Variants in CMKLR2 observed in about 807,000 individuals in gnomAD.
CMKLR2 encodes the protein chemerin-like receptor 2.
CMKLR2 carries 18 observed loss-of-function variants against 23.0 expected under a neutral mutation model. The ratio of observed to expected loss-of-function variants is 0.78; its 90% CI spans 0.54 to 1.16. The LOEUF (loss-of-function observed/expected upper bound fraction) is 1.16, where lower values mean the gene tolerates loss of function less well. CMKLR2 is among the 50% of genes most tolerant of loss of function. The pLI is 0.00. For synonymous variants in CMKLR2, 158 were observed against 158.9 expected (o/e 0.99, Z 0.05); for missense variants, 401 against 412.7 (o/e 0.97, Z 0.25).
chr2:206,216,182 G>A (rs1218157912), upstream of CMKLR2, among the ~76,000 whole-genome samples: 2 of 152,036 alleles, frequency 1.3e-5, no homozygotes. Flanking sequence ...AGCTGGGTGC[G>A]GTGGCTCATG....
chr2:206,202,782 C>G (rs1037338389), intron 1 of CMKLR2, among the ~76,000 whole-genome samples: 1 of 151,994 alleles, frequency 6.6e-6, no homozygotes. Flanking sequence ...AAGAGGAGAA[C>G]TCTGCTCCTC....
At chr2:206,213,691 C>T (rs1005231617), upstream of CMKLR2, 5 of 152,136 alleles carry the variant, frequency 3.3e-5, no homozygotes, top group Admixed American at 1.3e-4. Flanking sequence ...TCTGGGTAGG[C>T]TTTTGCTTAT....
chr2:206,178,052 G>A (rs1029930686), intron 1 of CMKLR2, among the ~76,000 whole-genome samples: 2 of 152,172 alleles, frequency 1.3e-5, no homozygotes, highest in African/African-American at 4.8e-5. Flanking sequence ...GAGACAGGGA[G>A]ATTGCTTGAG....
rs535170488 is a variant in CMKLR2 at position 206,181,654 on chromosome 2, A to G, written c.-28-4379T>C. 2.3e-3 allele frequency among the ~76,000 whole-genome samples: 355 copies of G among 152,312 alleles called. 2 individuals are homozygous for G. The highest frequency in any genetic ancestry group is 3.4e-3 in the Middle Eastern group (1 of 294). ...AGTAAGCCAGTGAAAAGAAAATGTT[A>G]TTAGGAAATCATAAGGGGCTGAGAG... On this transcript the variant is annotated intron_variant, in intron 1 of 1. Coordinates refer to ENST00000621141, the MANE Select transcript of CMKLR2 (RefSeq NM_001389445.1).
chr2:206,195,351 A>C (rs2105819956), intron 1 of CMKLR2, among the ~76,000 whole-genome samples: 1 of 152,292 alleles, frequency 6.6e-6, no homozygotes, highest in Admixed American at 6.5e-5. Flanking sequence ...ATGTTGGCAT[A>C]ATAGTCAAGA....
intron 1 of CMKLR2, among the ~76,000 whole-genome samples, chr2:206,186,117 C>CTT (rs11317836): frequency 0.088 from 12,322 of 140,254 alleles, 684 homozygotes; most frequent in Admixed American, 0.18. Flanking sequence ...GTGGAATGGG[C>CTT]TTTTTTTTTT....
rs71034423 is a variant in CMKLR2, at chr2:206,207,728, C to CTTTTTTTTTTTTTTTTTT, written c.-29+5561_-29+5578dup. Reference sequence around the variant, plus strand: ...ATCTGGGTCTGTCTGACCTCAGGGCCTTTTTTTTTTTTTTTTTTTTTTTTT... The same window carrying CTTTTTTTTTTTTTTTTTT: ...ATCTGGGTCTGTCTGACCTCAGGGCCTTTTTTTTTTTTTTTTTTTTTTTTTTTTTTTTTTTTTTTTTTT... On this transcript the variant is annotated intron_variant, in intron 1 of 1. Coordinates refer to ENST00000621141, the MANE Select transcript of CMKLR2 (RefSeq NM_001389445.1). 3.1e-3 allele frequency among the ~76,000 whole-genome samples: 133 copies of CTTTTTTTTTTTTTTTTTT among 43,570 alleles called. 33 individuals are homozygous for CTTTTTTTTTTTTTTTTTT. Among genetic ancestry groups the CTTTTTTTTTTTTTTTTTT allele is most frequent in the South Asian group, 9.0e-3 (6 of 664 alleles). 28.6% of individuals were successfully genotyped at this position (43,570 alleles called of 152,430 possible).
chr2:206,214,790 A>AT (rs1249188136), upstream of CMKLR2, among the ~76,000 whole-genome samples: 28 of 149,970 alleles, frequency 1.9e-4, no homozygotes, highest in African/African-American at 5.1e-4. Context: ...CGCCCGGCTA[A>AT]TTTTTTTTTG....
intron 1 of CMKLR2, among the ~76,000 whole-genome samples, chr2:206,185,580 G>A (rs928052560): frequency 6.6e-6 from 1 of 152,174 alleles, no homozygotes; most frequent in Non-Finnish European, 1.5e-5. Flanking sequence ...TCGCAAAGGG[G>A]AAAAGCAATC....
intron 1 of CMKLR2, among the ~76,000 whole-genome samples, chr2:206,194,726 A>G (rs1264158846): frequency 1.4e-5 from 2 of 139,508 alleles, no homozygotes; most frequent in Non-Finnish European, 3.1e-5. Flanking sequence ...ATGAGCCACC[A>G]CACTGGGCCA....
At chr2:206,207,383 A>T (rs1487942504) in intron 1 of CMKLR2, among the ~76,000 whole-genome samples, 1 of 151,970 alleles carries the variant, frequency 6.6e-6, no homozygotes, top group Non-Finnish European at 1.5e-5. Flanking sequence ...TAGGTGATCC[A>T]CCTGCCTTGG....
In CMKLR2 at chr2:206,177,266, A is replaced by G; in HGVS notation, c.-19T>C. ...CTTCCATGACCTTGCTAAATGGAGAATGAAGAAATCTGTAGAAGCAAATTT... is the reference window on the plus strand; with the variant it reads ...CTTCCATGACCTTGCTAAATGGAGAGTGAAGAAATCTGTAGAAGCAAATTT... On this transcript the variant is annotated 5_prime_UTR_variant, in exon 2 of 2. Transcript: ENST00000621141. 2 of 1,464,358 alleles carry G rather than the reference A, an allele frequency of 1.4e-6. 1 individual carries two copies. The highest frequency in any genetic ancestry group is 2.6e-5 in the South Asian group (2 of 77,922). 90.7% of individuals were successfully genotyped at this position (1,464,358 alleles called of 1,614,324 possible). A position where few individuals can be genotyped will look rare whatever the true frequency, so the allele number is the denominator to read the frequency against.
upstream of CMKLR2, among the ~76,000 whole-genome samples, chr2:206,214,781 G>A (rs1278734230): frequency 2.6e-5 from 4 of 151,548 alleles, no homozygotes; most frequent in African/African-American, 7.3e-5. Context: ...CCGCCACCAC[G>A]CCCGGCTAAT....
At chr2:206,179,133 T>C (rs1446115370) in intron 1 of CMKLR2, among the ~76,000 whole-genome samples, 1 of 133,598 alleles carries the variant, frequency 7.5e-6, no homozygotes, top group Non-Finnish European at 1.6e-5. Context: ...TGGAGTGCAA[T>C]GGTGTGATCT....
At position 206,204,841 on chromosome 2, in the gene CMKLR2, T is replaced by C. The variant is rs1335184685; in HGVS notation, c.-29+8466A>G. ...TCCTGCTGTTACAGTAAAGCTACGC[T>C]GTGTTCATTCCATCCTTGACAAAGT... On this transcript the variant is annotated intron_variant, in intron 1 of 1. Coordinates refer to ENST00000621141, the MANE Select transcript of CMKLR2 (RefSeq NM_001389445.1). 7.9e-5 allele frequency among the ~76,000 whole-genome samples: 12 copies of C among 152,234 alleles called. 1 individual carries two copies. Among genetic ancestry groups the C allele is most frequent in the Admixed American group, 7.8e-4 (12 of 15,288 alleles).
At chr2:206,196,530 C>T (rs1471615386) in intron 1 of CMKLR2, among the ~76,000 whole-genome samples, 2 of 152,166 alleles carry the variant, frequency 1.3e-5, no homozygotes, top group Non-Finnish European at 2.9e-5. Context: ...AACCATTCTT[C>T]CCTGCAGAGG....
intron 1 of CMKLR2, among the ~76,000 whole-genome samples, chr2:206,209,355 A>G (rs1033338629): frequency 6.6e-6 from 1 of 150,830 alleles, no homozygotes; most frequent in Non-Finnish European, 1.5e-5. Flanking sequence ...AAAAAAAAGC[A>G]CTTTTTTGTT....
chr2:206,196,203 T>C (rs1281675360), intron 1 of CMKLR2, among the ~76,000 whole-genome samples: 1 of 151,808 alleles, frequency 6.6e-6, no homozygotes, highest in African/African-American at 2.4e-5. Flanking sequence ...AGTGAAACCC[T>C]ATCTCTACTA....
rs1378205155 is a variant in CMKLR2 at position 206,177,221 on chromosome 2, AAAT to A, written c.24_26del (p.Leu8del). 1.9e-6 allele frequency: 3 copies of A among 1,605,320 alleles called. No homozygotes were observed. Among genetic ancestry groups the A allele is most frequent in the African/African-American group, 2.7e-5 (2 of 74,788 alleles). Reference sequence around the variant, plus strand: ...CATAGGAATAGTTTTCAAATTCTTCAAATAATGTTTCCTCCAAATCTTCCATGA... The same window carrying A: ...CATAGGAATAGTTTTCAAATTCTTCAAATGTTTCCTCCAAATCTTCCATGA... On this transcript the variant is annotated inframe_deletion, in exon 2 of 2. Transcript: ENST00000621141.
Sources: gnomAD v4.1 joint callset for allele counts (sites outside exome capture counted in the v4.1 genomes callset) on GRCh38, gnomAD v4.1.1 for gene constraint, MANE v1.5 for transcripts, NCBI Gene and HGNC (gene_info 2026-07-23, HGNC 2026-07-21) for gene names.